Variants in DYM observed in about 807,000 individuals in gnomAD.
DYM encodes dyggve-Melchior-Clausen syndrome protein.
A neutral mutation model predicts 93.1 loss-of-function variants in DYM; 78 were observed. The ratio of observed to expected loss-of-function variants is 0.84; its 90% confidence interval spans 0.70 to 1.01. The LOEUF is 1.01. Among genes scored for constraint, DYM ranks in the 50% least tolerant of loss-of-function variants. The pLI is 0.00. For synonymous variants in DYM, 321 were observed against 319.7 expected, an observed-to-expected ratio of 1.00 and a Z score of -0.04; for missense variants, 789 against 845.0, an observed-to-expected ratio of 0.93 and a Z score of 0.82.
intron 14 of DYM, among the ~76,000 whole-genome samples, chr18:49,191,381 T>A (rs1231837760): frequency 6.6e-6 from 1 of 152,118 alleles, no homozygotes; most frequent in Non-Finnish European, 1.5e-5. Flanking sequence ...TATAAATGCT[T>A]ACTTTGTGAA....
chr18:49,097,874 GCTCTCTCTCTCTCTCT>G (rs61301668), intron 16 of DYM, among the ~76,000 whole-genome samples: 18 of 141,290 alleles, frequency 1.3e-4, no homozygotes, highest in East Asian at 6.2e-4. Flanking sequence ...CTTAATATTA[GCTCTCTCTCTCTCTCT>G]CTCTCTCTCT....
At position 49,075,939 on chromosome 18, in the gene DYM, T is replaced by C. The variant is rs193248716; in HGVS notation, c.2025+21463A>G. The stretch of plus-strand genomic sequence containing the variant: ...GTTTAAACCCCATACACTTAAAAGC[T>C]TGATAACACATTTTTTCTTTCATTG... On this transcript the variant is annotated intron_variant, in intron 17 of 17. Coordinates refer to ENST00000675505, the MANE Select transcript of DYM (RefSeq NM_001353214.3). 2.0e-4 allele frequency among the ~76,000 whole-genome samples: 31 copies of C among 152,370 alleles called. 1 individual carries two copies. The highest frequency in any genetic ancestry group is 7.0e-4 in the African/African-American group (29 of 41,584).
chr18:49,389,017 C>G (rs957336420), intron 3 of DYM, among the ~76,000 whole-genome samples: 2 of 151,788 alleles, frequency 1.3e-5, no homozygotes, highest in African/African-American at 4.8e-5. Context: ...TCACATAGCC[C>G]TTAAAGTTGA....
At chr18:49,331,803 T>C in intron 8 of DYM, 61 bp downstream of exon 8, 4 of 1,592,492 alleles carry the variant, frequency 2.5e-6, no homozygotes, top group Non-Finnish European at 3.4e-6. Context: ...CAGAATTTCT[T>C]ATGCCTAAAT....
In DYM at chr18:49,039,079, T is replaced by C. The variant is rs183124868; in HGVS notation, c.*4976A>G. Among the ~76,000 whole-genome samples, 3 of 152,344 alleles carry C rather than the reference T, an allele frequency of 2.0e-5. No individual in the cohort carries two copies. The highest frequency in any genetic ancestry group is 7.2e-5 in the African/African-American group (3 of 41,584). The stretch of plus-strand genomic sequence containing the variant: ...TTCCTTCTGCCTGTAAAACACCTTT[T>C]AAATTTTCCTTTAGGGTAGGCGTGC... On this transcript the variant is annotated 3_prime_UTR_variant, in exon 18 of 18. Transcript: ENST00000675505.
chr18:49,408,762 G>A (rs1016745421), intron 2 of DYM, among the ~76,000 whole-genome samples: 8 of 152,288 alleles, frequency 5.3e-5, no homozygotes, highest in South Asian at 2.1e-4. Flanking sequence ...AATTTAGAAG[G>A]AACCCTATTC....
At chr18:49,365,086 G>A (rs1407899674) in intron 5 of DYM, among the ~76,000 whole-genome samples, 1 of 151,990 alleles carries the variant, frequency 6.6e-6, no homozygotes, top group Non-Finnish European at 1.5e-5. Flanking sequence ...AATACAATTT[G>A]CTGAACTGAG....
chr18:49,214,583 T>C (rs2092941375), intron 13 of DYM, among the ~76,000 whole-genome samples: 1 of 151,894 alleles, frequency 6.6e-6, no homozygotes, highest in Admixed American at 6.6e-5. Flanking sequence ...AAAGATAAAT[T>C]TGTTAAGCAA....
At chr18:49,049,085 A>G (rs1300038329) in intron 17 of DYM, among the ~76,000 whole-genome samples, 1 of 152,258 alleles carries the variant, frequency 6.6e-6, no homozygotes, top group African/African-American at 2.4e-5. Flanking sequence ...GAAGACGTGT[A>G]GATTTTATTA....
At chr18:49,087,907 TA>T (rs2078691246) in intron 17 of DYM, among the ~76,000 whole-genome samples, 1 of 152,260 alleles carries the variant, frequency 6.6e-6, no homozygotes, top group South Asian at 2.1e-4. Flanking sequence ...TTTGGCTGCA[TA>T]AATGTCTTCT....
rs112712041 is a variant in DYM at position 49,435,081 on chromosome 18, G to A, written c.-53-4634C>T. 7.9e-3 allele frequency among the ~76,000 whole-genome samples: 1,166 copies of A among 148,386 alleles called. 30 individuals are homozygous for A. The highest frequency in any genetic ancestry group is 0.077 in the South Asian group (359 of 4,638). Reference sequence around the variant, plus strand: ...AAATTAGCACAGCATGGTGGTGTGCGCCTATAATCCCAGCTTCTAGGGAGA... The same window carrying A: ...AAATTAGCACAGCATGGTGGTGTGCACCTATAATCCCAGCTTCTAGGGAGA... On this transcript the variant is annotated intron_variant, in intron 1 of 17. Transcript: ENST00000675505.
intron 15 of DYM, among the ~76,000 whole-genome samples, chr18:49,145,438 T>C (rs769854025): frequency 2.6e-4 from 40 of 152,092 alleles, no homozygotes; most frequent in Non-Finnish European, 4.9e-4. Context: ...TTCATAATCA[T>C]GTAAAACATT....
At chr18:49,060,148 G>A (rs56896141) in intron 17 of DYM, among the ~76,000 whole-genome samples, 3,801 of 152,206 alleles carry the variant, frequency 0.025, 152 homozygotes, top group African/African-American at 0.085. Flanking sequence ...AAAGTACAAT[G>A]CAATAATTGC....
At chr18:49,198,044 T>C (rs1187920065) in intron 14 of DYM, among the ~76,000 whole-genome samples, 5 of 151,978 alleles carry the variant, frequency 3.3e-5, no homozygotes, top group Non-Finnish European at 7.4e-5. Flanking sequence ...TATAGACCAA[T>C]GGAACAGAAC....
Position 49,304,628 on chromosome 18 carries a change from C to T in DYM, c.764-18012G>A, listed in dbSNP as rs564749189. On this transcript the variant is annotated intron_variant, in intron 8 of 17. Transcript: ENST00000675505. ...CACAAGCCACGTACCATGGAGATGA[C>T]TCTTCATTACTGCTTCCAAGTCATT... Among the ~76,000 whole-genome samples, 56 of 152,258 alleles carry T rather than the reference C, an allele frequency of 3.7e-4. 2 individuals are homozygous for T. In the South Asian group the frequency reaches 0.012, roughly 32 times the overall value.
intron 8 of DYM, chr18:49,321,024 A>C (rs1268789747): frequency 1.0e-5 from 2 of 193,482 alleles, no homozygotes; most frequent in Non-Finnish European, 2.1e-5. Flanking sequence ...TGCTTAATAA[A>C]AGTTTACACT....
chr18:49,177,683 AT>A, intron 14 of DYM, among the ~76,000 whole-genome samples: 1 of 152,042 alleles, frequency 6.6e-6, no homozygotes, highest in East Asian at 1.9e-4. Flanking sequence ...CTAATTATTA[AT>A]TTATACTTGT....
chr18:49,410,357 G>A (rs1199038140), intron 2 of DYM, among the ~76,000 whole-genome samples: 4 of 151,934 alleles, frequency 2.6e-5, no homozygotes, highest in Non-Finnish European at 1.5e-5. Context: ...ACAGTACCCA[G>A]TCACTGGATT....
At chr18:49,400,736 T>A (rs1007926025) in intron 2 of DYM, among the ~76,000 whole-genome samples, 1 of 152,130 alleles carries the variant, frequency 6.6e-6, no homozygotes, top group Non-Finnish European at 1.5e-5. Flanking sequence ...TTTCCTTTCA[T>A]CCTTCCATCC....
Sources: allele counts gnomAD v4.1 joint callset (sites outside exome capture counted in the v4.1 genomes callset), GRCh38; gene constraint gnomAD v4.1.1; transcripts MANE v1.5; gene names NCBI Gene and HGNC (gene_info 2026-07-23, HGNC 2026-07-21).